PTK2: variants seen among roughly 807,000 people sequenced by gnomAD.
The protein encoded by PTK2 is focal adhesion kinase 1.
Under a neutral mutation model 150.1 loss-of-function variants are expected in PTK2, and 45 were observed. That is an observed-to-expected ratio of 0.30 (90% CI 0.24 to 0.38). The LOEUF is 0.38. PTK2 is among the 10% of genes least tolerant of loss of function. The pLI is 1.00. For missense variants in PTK2, 919 were observed against 1,307.3 expected, an observed-to-expected ratio of 0.70 and a Z score of 4.58; for synonymous variants, 432 against 449.2, an observed-to-expected ratio of 0.96 and a Z score of 0.48.
At chr8:140,860,602 T>G (rs766410259) in intron 5 of PTK2, among the ~76,000 whole-genome samples, 10 of 152,172 alleles carry the variant, frequency 6.6e-5, no homozygotes, top group Non-Finnish European at 1.5e-4. Context: ...AGCTCCTCAG[T>G]AGCTGGGATA....
intron 8 of PTK2, chr8:140,821,692 A>G (rs2154602112): frequency 6.6e-6 from 1 of 152,406 alleles, no homozygotes; most frequent in South Asian, 2.1e-4. Context: ...AATGAAGACA[A>G]AAGAGAAGGC....
At chr8:140,731,015 A>G (rs1023695340) in intron 22 of PTK2, among the ~76,000 whole-genome samples, 19 of 132,652 alleles carry the variant, frequency 1.4e-4, no homozygotes, top group Non-Finnish European at 1.7e-4. Context: ...CTGGAGTGCA[A>G]TGGCGCAATA....
chr8:140,779,076 C>T (rs368707874), intron 14 of PTK2, among the ~76,000 whole-genome samples: 4 of 151,716 alleles, frequency 2.6e-5, no homozygotes, highest in East Asian at 1.9e-4. Flanking sequence ...GCCTGGTCAA[C>T]ATGGTGAAAC....
chr8:140,970,544 A>G (rs1039323497), intron 1 of PTK2, among the ~76,000 whole-genome samples: 13 of 152,238 alleles, frequency 8.5e-5, no homozygotes, highest in Non-Finnish European at 7.3e-5. Context: ...CAACCTTGTC[A>G]GCAAATAATG....
intron 13 of PTK2, among the ~76,000 whole-genome samples, chr8:140,792,065 G>A (rs1480054096): frequency 1.3e-5 from 2 of 152,216 alleles, no homozygotes; most frequent in Non-Finnish European, 2.9e-5. Context: ...TGATTTAGTA[G>A]AAGTACACAG....
intron 26 of PTK2, among the ~76,000 whole-genome samples, chr8:140,691,066 A>G (rs1253612280): frequency 6.6e-6 from 1 of 152,174 alleles, no homozygotes; most frequent in Non-Finnish European, 1.5e-5. Flanking sequence ...TTATTGTTGG[A>G]TATTAGGGTC....
At chr8:140,700,961 T>C in exon 26 of PTK2, 2 of 1,614,148 alleles carry the variant, frequency 1.2e-6, no homozygotes, top group Non-Finnish European at 1.7e-6. Flanking sequence ...GATTAGACGC[T>C]CTTCCATCAG....
At chr8:140,660,401 G>GACC (rs1023065364) in intron 31 of PTK2, among the ~76,000 whole-genome samples, 3 of 152,164 alleles carry the variant, frequency 2.0e-5, no homozygotes, top group African/African-American at 7.2e-5. Flanking sequence ...TCTATTTCAA[G>GACC]ACCTTCCTTG....
chr8:140,686,099 T>C (rs138758582), intron 27 of PTK2, among the ~76,000 whole-genome samples: 2,161 of 152,292 alleles, frequency 0.014, 26 homozygotes, highest in Non-Finnish European at 0.02. Flanking sequence ...TGGGTGGAGC[T>C]AGAGGTCATT....
chr8:140,835,185 C>A (rs1045922743), intron 7 of PTK2, among the ~76,000 whole-genome samples: 1 of 152,232 alleles, frequency 6.6e-6, no homozygotes, highest in Non-Finnish European at 1.5e-5. Context: ...CATAACACAG[C>A]TGGCTTTTAG....
At chr8:140,903,334 GTCTA>G (rs2100159531) in intron 2 of PTK2, among the ~76,000 whole-genome samples, 1 of 151,950 alleles carries the variant, frequency 6.6e-6, no homozygotes, top group African/African-American at 2.4e-5. Context: ...TGTTCCACTG[GTCTA>G]TCTGTTTTGG....
chr8:140,955,889 T>A (rs755392302), intron 1 of PTK2, among the ~76,000 whole-genome samples: 2 of 152,188 alleles, frequency 1.3e-5, no homozygotes, highest in African/African-American at 4.8e-5. Flanking sequence ...CTATCTACGA[T>A]GCAGCTAAAG....
chr8:140,917,807 T>C lies in PTK2; in HGVS notation c.-33+7854A>G, dbSNP rs545993091. Among the ~76,000 whole-genome samples the C allele has an allele frequency of 2.4e-4, 36 of 152,224 alleles. No individual in the cohort carries two copies. The South Asian group carries it at 5.2e-3, about 22-fold the overall frequency. ...CAGAAATCCAAAAAAGTAAAATATA[T>C]AATGACAAATCACAGTAAGTGCTAT... On this transcript the variant is annotated intron_variant, in intron 2 of 31. Coordinates refer to ENST00000522684, the Ensembl canonical transcript of PTK2.
At chr8:140,709,932 CAT>C (rs1026775725) in intron 23 of PTK2, among the ~76,000 whole-genome samples, 2 of 151,886 alleles carry the variant, frequency 1.3e-5, no homozygotes, top group African/African-American at 4.8e-5. Flanking sequence ...GCCCAGCATC[CAT>C]AGATTCAACC....
chr8:140,717,705 T>C (rs2100040562), exon 23 of PTK2: 3 of 1,613,502 alleles, frequency 1.9e-6, no homozygotes, highest in Non-Finnish European at 1.7e-6. Context: ...TCCTCCAGGA[T>C]TGTGCTAGAG....
intron 10 of PTK2, among the ~76,000 whole-genome samples, chr8:140,815,475 T>A (rs577768794): frequency 1.3e-5 from 2 of 152,116 alleles, no homozygotes; most frequent in African/African-American, 2.4e-5. Flanking sequence ...CTAGGATTAA[T>A]ACCTGGGTGA....
chr8:140,788,182 C>A (rs2100086118), intron 14 of PTK2, among the ~76,000 whole-genome samples: 1 of 152,150 alleles, frequency 6.6e-6, no homozygotes, highest in Non-Finnish European at 1.5e-5. Flanking sequence ...ATGCTGGCAA[C>A]CCCGAAGCTT....
At chr8:140,954,729 A>G (rs2100180658) in intron 1 of PTK2, 1 of 152,248 alleles carries the variant, frequency 6.6e-6, no homozygotes, top group Non-Finnish European at 1.5e-5. Context: ...GTATAGCAAG[A>G]GAATTATACT....
intron 14 of PTK2, among the ~76,000 whole-genome samples, chr8:140,784,468 A>G (rs1172393362): frequency 6.6e-6 from 1 of 152,170 alleles, no homozygotes; most frequent in East Asian, 1.9e-4. Context: ...AATCCACCAA[A>G]CAAAACCCCC....
Sources: allele counts gnomAD v4.1 joint callset (sites outside exome capture counted in the v4.1 genomes callset), GRCh38; gene constraint gnomAD v4.1.1; transcripts MANE v1.5; gene names NCBI Gene and HGNC (gene_info 2026-07-23, HGNC 2026-07-21).